CEP192: variants seen among roughly 807,000 people sequenced by gnomAD.
CEP192 encodes the protein centrosomal protein of 192 kDa.
CEP192 carries 151 observed loss-of-function variants against 271.8 expected under a neutral mutation model. The observed-to-expected ratio is 0.56, with a 90% CI of 0.49 to 0.64. The LOEUF is 0.64. Ranked by LOEUF, CEP192 falls within the 30% of genes least tolerant of loss-of-function variation. CEP192 has a pLI of 0.00. For missense variants in CEP192, 2,910 were observed against 3,020.5 expected (o/e 0.96, Z 0.86); for synonymous variants, 995 against 1,076.5 (o/e 0.92, Z 1.48).
intron 18 of CEP192, among the ~76,000 whole-genome samples, chr18:13,053,497 G>A (rs1048341571): frequency 1.3e-5 from 2 of 152,146 alleles, no homozygotes; most frequent in African/African-American, 4.8e-5. Flanking sequence ...CACATGGGGA[G>A]GTGGAGAGTT....
intron 44 of CEP192, chr18:13,124,377 T>G (rs1443812234): frequency 6.1e-6 from 2 of 325,924 alleles, no homozygotes; most frequent in East Asian, 9.3e-5. Flanking sequence ...TATTTTCCTT[T>G]TTATATATTA....
At chr18:13,057,937 T>A in intron 20 of CEP192, 1 of 352,322 alleles carries the variant, frequency 2.8e-6, no homozygotes, top group East Asian at 4.5e-5. Flanking sequence ...CATCATTTAT[T>A]ATTTATATTT....
intron 14 of CEP192, among the ~76,000 whole-genome samples, 156 bp downstream of exon 14, chr18:13,041,112 C>T (rs533473531): frequency 9.7e-4 from 148 of 152,204 alleles, no homozygotes; most frequent in African/African-American, 3.3e-3. Flanking sequence ...TATGTAACCC[C>T]ATATATCCTT....
At chr18:13,122,422 A>C (rs566440008) in intron 44 of CEP192, among the ~76,000 whole-genome samples, 2 of 152,212 alleles carry the variant, frequency 1.3e-5, no homozygotes, top group South Asian at 4.1e-4. Context: ...CACCGTCTCA[A>C]AAAAACAAAG....
At chr18:13,103,472 C>T (rs1568423645) in intron 38 of CEP192, 37 bp from the exon 39 acceptor site, 1 of 1,545,146 alleles carries the variant, frequency 6.5e-7, no homozygotes, top group East Asian at 2.2e-5. Context: ...TCTCCAGTCT[C>T]TCCGAGTTTG....
chr18:13,073,012 C>T lies in CEP192; in HGVS notation c.5443C>T (p.Gln1815Ter), dbSNP rs1165987879. ...TTTAACTGTTTTTAAATTGTAGCTT[C>T]AGAACACTTTTGGTTCAGAACAGCG... ...RGQDQDCFQL[Q>*]NTFGSEQRLT... is the part of the protein sequence containing the mutation. Residue 1815 changes from glutamine (Q) to a stop codon, truncating the protein, a stop_gained, in exon 30 of 45, where the codon CAG becomes TAG. Transcript: ENST00000506447. LOFTEE classifies it high-confidence loss of function. 6.2e-7 allele frequency: 1 copy of T among 1,604,830 alleles called. No individual in the cohort carries two copies. Among genetic ancestry groups the T allele is most frequent in the Admixed American group, 1.7e-5 (1 of 57,780 alleles).
At chr18:13,056,733 A>T in intron 19 of CEP192, 35 bp downstream of exon 19, 1 of 1,487,422 alleles carries the variant, frequency 6.7e-7, no homozygotes, top group Non-Finnish European at 9.1e-7. Context: ...ATTACTTGCT[A>T]TTATTTTCTC....
Position 13,052,896 on chromosome 18 carries a change from TGTGA to T in CEP192, c.3018-21_3018-18del, listed in dbSNP as rs774864299. On this transcript the variant is annotated intron_variant, in intron 17 of 44. Transcript: ENST00000506447. ...AGTTGAAGGACTGGAGAACTCCAGG[TGTGA>T]GCTACTCTTCTCTTTCAGGTGTGCG... 198,600 of 1,528,100 alleles carry T rather than the reference TGTGA, an allele frequency of 0.13. 14,991 individuals carry two copies. The highest frequency in any genetic ancestry group is 0.28 in the East Asian group (12,318 of 43,386). 94.7% of individuals were successfully genotyped at this position (1,528,100 alleles called of 1,614,324 possible).
At chr18:13,053,945 G>T (rs2036944465) in intron 18 of CEP192, among the ~76,000 whole-genome samples, 1 of 152,122 alleles carries the variant, frequency 6.6e-6, no homozygotes, top group South Asian at 2.1e-4. Context: ...TTCTGCCTCG[G>T]CCTCTCAAGT....
chr18:13,010,274 GTACATTC>G (rs1171870646), intron 4 of CEP192, among the ~76,000 whole-genome samples: 2 of 152,162 alleles, frequency 1.3e-5, no homozygotes, highest in African/African-American at 4.8e-5. Flanking sequence ...AAATTGAAAA[GTACATTC>G]TATGCACTTA....
chr18:13,086,359 G>T (rs1385289706), intron 30 of CEP192, among the ~76,000 whole-genome samples: 1 of 152,160 alleles, frequency 6.6e-6, no homozygotes, highest in Non-Finnish European at 1.5e-5. Flanking sequence ...CTTCCTATTT[G>T]AAGACGCTTT....
intron 12 of CEP192, among the ~76,000 whole-genome samples, chr18:13,037,921 T>G (rs942184540): frequency 5.9e-5 from 9 of 152,178 alleles, no homozygotes; most frequent in African/African-American, 1.9e-4. Flanking sequence ...ATGAAGATTC[T>G]TATTTATGAC....
In CEP192 at chr18:13,068,217, C is replaced by T; in HGVS notation, c.4738C>T (p.Pro1580Ser). The change falls in exon 23 of 45, where the codon CCT becomes TCT. Residue 1580 changes from proline (P) to serine (S), a missense_variant. Transcript: ENST00000506447. ...AGPSVVNHMM[P>S]ASYDGQDPEF... ...CCCTTCTGTGGTCAACCACATGATG[C>T]CTGCTAGTTATGATGGACAGGTGGG... 6.2e-7 allele frequency: 1 copy of T among 1,614,180 alleles called. No individual in the cohort carries two copies. The highest frequency in any genetic ancestry group is 8.5e-7 in the Non-Finnish European group (1 of 1,180,034).
intron 9 of CEP192, among the ~76,000 whole-genome samples, chr18:13,023,921 G>A (rs375104961): frequency 6.6e-6 from 1 of 152,092 alleles, no homozygotes; most frequent in African/African-American, 2.4e-5. Context: ...TACTCAAATT[G>A]TATCTATTTC....
chr18:13,010,231 T>G (rs995151699), intron 4 of CEP192, among the ~76,000 whole-genome samples: 18 of 152,204 alleles, frequency 1.2e-4, no homozygotes, highest in Admixed American at 1.0e-3. Flanking sequence ...GTACTCCACA[T>G]TCACTTTCTT....
At chr18:13,042,467 G>A (rs1232845315) in intron 15 of CEP192, 133 bp downstream of exon 15, 10 of 914,914 alleles carry the variant, frequency 1.1e-5, no homozygotes, top group Non-Finnish European at 1.6e-5. Context: ...TTTCTTGCAA[G>A]TGTCCTTTAA....
chr18:13,064,132 G>A (rs750576208), intron 21 of CEP192, among the ~76,000 whole-genome samples: 5 of 151,908 alleles, frequency 3.3e-5, no homozygotes, highest in South Asian at 4.2e-4. Flanking sequence ...GTGTTTTCTT[G>A]TAGTAGTTTC....
At chr18:13,006,883 G>T (rs1052496781) in intron 3 of CEP192, among the ~76,000 whole-genome samples, 2 of 152,178 alleles carry the variant, frequency 1.3e-5, no homozygotes, top group Non-Finnish European at 2.9e-5. Flanking sequence ...TTGATTGCAG[G>T]CAAGCCCTTC....
chr18:12,996,327 A>G (rs775011157), intron 1 of CEP192, among the ~76,000 whole-genome samples: 2 of 152,044 alleles, frequency 1.3e-5, no homozygotes, highest in African/African-American at 2.4e-5. Flanking sequence ...AGAGATGACT[A>G]CGGTTTTTGG....
Sources: gnomAD v4.1 joint callset for allele counts (sites outside exome capture counted in the v4.1 genomes callset) on GRCh38, gnomAD v4.1.1 for gene constraint, MANE v1.5 for transcripts, NCBI Gene and HGNC (gene_info 2026-07-23, HGNC 2026-07-21) for gene names.